RAP1A: variants seen among roughly 807,000 people sequenced by gnomAD.
RAP1A encodes RAP1A, member of RAS oncogene family.
RAP1A carries 6 observed loss-of-function variants against 26.4 expected under a neutral mutation model. That is an observed-to-expected ratio of 0.23 (90% CI 0.12 to 0.45). The LOEUF is 0.45. Ranked by LOEUF, RAP1A falls within the 20% of genes least tolerant of loss-of-function variation. RAP1A has a pLI of 0.99. For synonymous variants in RAP1A, 73 were observed against 79.4 expected (o/e 0.92, Z 0.43); for missense variants, 121 against 217.2 (o/e 0.56, Z 2.78).
intron 6 of RAP1A, among the ~76,000 whole-genome samples, chr1:111,705,436 T>G (rs1159491031): frequency 6.6e-6 from 1 of 152,196 alleles, no homozygotes; most frequent in Admixed American, 6.5e-5. Flanking sequence ...GCTTATAGAC[T>G]ATTTGACTTT....
intron 1 of RAP1A, among the ~76,000 whole-genome samples, chr1:111,547,651 C>A (rs1169838919): frequency 6.6e-6 from 1 of 151,996 alleles, no homozygotes; most frequent in African/African-American, 2.4e-5. Context: ...AAAATTGGTG[C>A]CTTTTACAGA....
At chr1:111,664,793 T>A (rs1481909657) in intron 1 of RAP1A, among the ~76,000 whole-genome samples, 1 of 152,242 alleles carries the variant, frequency 6.6e-6, no homozygotes, top group Non-Finnish European at 1.5e-5. Flanking sequence ...TCTTCCTAGA[T>A]ATGTGACTTT....
chr1:111,562,324 G>A (rs1000613911), intron 1 of RAP1A, among the ~76,000 whole-genome samples: 3 of 152,064 alleles, frequency 2.0e-5, no homozygotes, highest in Non-Finnish European at 2.9e-5. Flanking sequence ...ACCATAATAG[G>A]AGGTCAAGAA....
chr1:111,709,366 C>T (rs1662303007), intron 7 of RAP1A, 102 bp downstream of exon 7: 5 of 1,272,540 alleles, frequency 3.9e-6, no homozygotes, highest in Non-Finnish European at 4.1e-6. Context: ...TATTTCTAAG[C>T]TTCTGTAACT....
chr1:111,544,626 C>A (rs571954817), intron 1 of RAP1A, among the ~76,000 whole-genome samples: 2 of 152,196 alleles, frequency 1.3e-5, no homozygotes, highest in East Asian at 3.9e-4. Flanking sequence ...TTGGTTTGTT[C>A]CATTTTCAGG....
intron 1 of RAP1A, among the ~76,000 whole-genome samples, chr1:111,587,129 C>T (rs1014565604): frequency 2.0e-5 from 3 of 152,146 alleles, no homozygotes; most frequent in Non-Finnish European, 1.5e-5. Context: ...GACATCCCAT[C>T]CCTGCATATC....
chr1:111,633,291 A>G (rs1019889337), intron 1 of RAP1A, among the ~76,000 whole-genome samples: 5 of 152,180 alleles, frequency 3.3e-5, no homozygotes, highest in African/African-American at 9.7e-5. Context: ...CTAATCATAC[A>G]GTTGATTTGG....
At chr1:111,605,103 CAGG>C (rs1173193283) in intron 1 of RAP1A, among the ~76,000 whole-genome samples, 1 of 152,182 alleles carries the variant, frequency 6.6e-6, no homozygotes, top group Non-Finnish European at 1.5e-5. Context: ...TAACAGCCAA[CAGG>C]AGAAGAGGAG....
At chr1:111,586,131 T>C (rs1234741775) in intron 1 of RAP1A, among the ~76,000 whole-genome samples, 1 of 152,252 alleles carries the variant, frequency 6.6e-6, no homozygotes, top group Non-Finnish European at 1.5e-5. Flanking sequence ...GAATATTTGC[T>C]TCACTAGTAT....
chr1:111,563,811 G>T (rs1339957712), intron 1 of RAP1A: 1 of 1,559,472 alleles, frequency 6.4e-7, no homozygotes, highest in African/African-American at 1.4e-5. Flanking sequence ...CCCAACCTCT[G>T]CCTCCCAGCA....
chr1:111,550,386 C>T (rs1198014827), intron 1 of RAP1A, among the ~76,000 whole-genome samples: 1 of 151,860 alleles, frequency 6.6e-6, no homozygotes, highest in Non-Finnish European at 1.5e-5. Flanking sequence ...TCAGTTTGCC[C>T]TTCTTTTTCT....
At chr1:111,623,553 C>T (rs146147145) in intron 1 of RAP1A, among the ~76,000 whole-genome samples, 1,584 of 152,108 alleles carry the variant, frequency 0.01, 15 homozygotes, top group Non-Finnish European at 0.013. Context: ...ATTACAGGCA[C>T]GTGCCACCAC....
chr1:111,702,275 T>C (rs1662043454), intron 4 of RAP1A, among the ~76,000 whole-genome samples: 1 of 152,188 alleles, frequency 6.6e-6, no homozygotes, highest in African/African-American at 2.4e-5. Context: ...TACACATTTT[T>C]AATATTCTGC....
At chr1:111,616,229 C>T (rs1659011445), upstream of RAP1A, among the ~76,000 whole-genome samples, 1 of 152,216 alleles carries the variant, frequency 6.6e-6, no homozygotes, top group Admixed American at 6.5e-5. Context: ...ATTGGGTTCT[C>T]CCAAAGCTTG....
intron 1 of RAP1A, among the ~76,000 whole-genome samples, chr1:111,563,277 A>AAAAT (rs373749625): frequency 0.044 from 6,654 of 151,844 alleles, 485 homozygotes; most frequent in African/African-American, 0.15. Context: ...TCCTGTCTCA[A>AAAAT]AAATAAATAA....
intron 1 of RAP1A, among the ~76,000 whole-genome samples, chr1:111,548,560 A>C (rs1657124231): frequency 6.6e-6 from 1 of 152,202 alleles, no homozygotes; most frequent in African/African-American, 2.4e-5. Context: ...TTCGGTCAGA[A>C]CTGGGTAAGC....
chr1:111,691,472 A>C lies in RAP1A; in HGVS notation c.57+55A>C, dbSNP rs534149452. The C allele has an allele frequency of 6.3e-5, 95 of 1,499,224 alleles. No individual in the cohort carries two copies. The African/African-American group carries it at 1.2e-3, about 19-fold the overall frequency. 92.9% of individuals were successfully genotyped at this position (1,499,224 alleles called of 1,614,324 possible). A position where few individuals can be genotyped will look rare whatever the true frequency, so the allele number is the denominator to read the frequency against. On this transcript the variant is annotated intron_variant, in intron 2 of 7. Transcript: ENST00000369709. ...AATATAATACAAGAAGAATTTTGAC[A>C]TTTCCTTGCTTTCAGACTTCTAGAT...
At chr1:111,635,443 A>G (rs938400166) in intron 1 of RAP1A, among the ~76,000 whole-genome samples, 28 of 152,190 alleles carry the variant, frequency 1.8e-4, no homozygotes, top group Non-Finnish European at 4.0e-4. Flanking sequence ...GTCAGTGGAG[A>G]AAGAACAATA....
intron 1 of RAP1A, among the ~76,000 whole-genome samples, chr1:111,687,994 T>C (rs1448584140): frequency 8.5e-6 from 1 of 117,612 alleles, no homozygotes; most frequent in Non-Finnish European, 1.6e-5. Context: ...TTCCTTGTAC[T>C]CCAGCCTGGG....
Sources: allele counts gnomAD v4.1 joint callset (sites outside exome capture counted in the v4.1 genomes callset), GRCh38; gene constraint gnomAD v4.1.1; transcripts MANE v1.5; gene names NCBI Gene and HGNC (gene_info 2026-07-23, HGNC 2026-07-21).